INVS: variants seen among roughly 807,000 people sequenced by gnomAD.
The protein encoded by INVS is inversion of embryo turning homolog.
INVS carries 86 observed loss-of-function variants against 108.8 expected under a neutral mutation model. The observed-to-expected ratio is 0.79, with a 90% CI of 0.66 to 0.95. The LOEUF (loss-of-function observed/expected upper bound fraction) is 0.95, where lower values mean the gene tolerates loss of function less well. Ranked by LOEUF, INVS falls within the 40% of genes least tolerant of loss-of-function variation. The pLI, the probability that INVS is intolerant of heterozygous loss-of-function variation, is 0.00. For synonymous variants in INVS, 455 were observed against 473.5 expected (o/e 0.96, Z 0.51); for missense variants, 1,169 against 1,297.4 (o/e 0.90, Z 1.52).
chr9:100,141,305 A>AT (rs894340407), intron 3 of INVS, among the ~76,000 whole-genome samples: 2 of 152,124 alleles, frequency 1.3e-5, no homozygotes, highest in Non-Finnish European at 2.9e-5. Flanking sequence ...TGGTAAAAGT[A>AT]TTGTCTAGTC....
intron 14 of INVS, among the ~76,000 whole-genome samples, chr9:100,295,822 C>G (rs760186662): frequency 1.2e-4 from 18 of 152,212 alleles, no homozygotes; most frequent in Non-Finnish European, 2.1e-4. Flanking sequence ...TGGGCTTCCC[C>G]CCAAGTTCTG....
At chr9:100,227,991 CT>C (rs33912012) in intron 4 of INVS, among the ~76,000 whole-genome samples, 1,878 of 133,392 alleles carry the variant, frequency 0.014, 23 homozygotes, top group African/African-American at 0.048. Flanking sequence ...TTCTTTCTTT[CT>C]TTTTTTTTTT....
intron 12 of INVS, among the ~76,000 whole-genome samples, chr9:100,274,460 A>T (rs745509181): frequency 6.6e-6 from 1 of 152,266 alleles, no homozygotes; most frequent in Admixed American, 6.5e-5. Context: ...AGTGCATCAC[A>T]TTAGCAAATA....
chr9:100,294,888 T>C (rs1833742364), intron 14 of INVS, among the ~76,000 whole-genome samples: 2 of 152,196 alleles, frequency 1.3e-5, no homozygotes. Flanking sequence ...TCGTCACTGA[T>C]AACCCTGCAA....
At chr9:100,292,199 T>C (rs527349256) in intron 13 of INVS, 127 bp from the exon 14 acceptor site, 2 of 876,674 alleles carry the variant, frequency 2.3e-6, no homozygotes, top group Non-Finnish European at 3.8e-6. Context: ...ACCGTTTTTT[T>C]CCTAGTCTGT....
chr9:100,174,689 G>C (rs1489186145), intron 3 of INVS, among the ~76,000 whole-genome samples: 1 of 152,010 alleles, frequency 6.6e-6, no homozygotes, highest in African/African-American at 2.4e-5. Flanking sequence ...GAGGCAGGCA[G>C]ACCACCTGAG....
At chr9:100,190,818 A>G (rs1476415769) in intron 3 of INVS, among the ~76,000 whole-genome samples, 1 of 151,522 alleles carries the variant, frequency 6.6e-6, no homozygotes, top group East Asian at 1.9e-4. Flanking sequence ...TGTTGATTTT[A>G]GATACCCTGA....
In INVS at chr9:100,282,191, T is replaced by C. The variant is rs573674921; in HGVS notation, c.1785-2129T>C. On this transcript the variant is annotated intron_variant, in intron 12 of 16. Coordinates refer to ENST00000262457, the MANE Select transcript of INVS (RefSeq NM_014425.5). Reference sequence around the variant, plus strand: ...GCAGCACTTCAGCCACCCAGATGCTTCCACCTTCTTCTGAAAAGCAGCCTT... The same window carrying C: ...GCAGCACTTCAGCCACCCAGATGCTCCCACCTTCTTCTGAAAAGCAGCCTT... Among the ~76,000 whole-genome samples the C allele has an allele frequency of 4.8e-4, 73 of 152,234 alleles. No individual in the cohort carries two copies. The South Asian group carries it at 0.011, about 23-fold the overall frequency.
chr9:100,225,929 ATTT>A (rs2118402470), intron 3 of INVS, 130 bp from the exon 4 acceptor site: 1 of 651,160 alleles, frequency 1.5e-6, no homozygotes, highest in African/African-American at 1.8e-5. Context: ...AATTACAAGC[ATTT>A]TTCCTTATTA....
At chr9:100,272,213 C>G (rs1448984556) in intron 11 of INVS, among the ~76,000 whole-genome samples, 2 of 152,170 alleles carry the variant, frequency 1.3e-5, no homozygotes, top group African/African-American at 4.8e-5. Context: ...GAAAAGACTT[C>G]CAACATCATT....
At chr9:100,201,451 T>C (rs1369710916) in intron 3 of INVS, among the ~76,000 whole-genome samples, 1 of 152,222 alleles carries the variant, frequency 6.6e-6, no homozygotes, top group African/African-American at 2.4e-5. Flanking sequence ...TGCAGAAACA[T>C]GATGGACAAT....
intron 5 of INVS, among the ~76,000 whole-genome samples, chr9:100,230,936 G>A (rs1831492830): frequency 6.6e-6 from 1 of 152,136 alleles, no homozygotes; most frequent in Non-Finnish European, 1.5e-5. Flanking sequence ...CAGATACTTT[G>A]TTTCCAGTTT....
chr9:100,100,584 T>TAC (rs778317595), intron 1 of INVS, among the ~76,000 whole-genome samples: 31 of 96,266 alleles, frequency 3.2e-4, no homozygotes, highest in Non-Finnish European at 5.5e-4. Flanking sequence ...ATATATAATA[T>TAC]ATATAATATA....
At chr9:100,154,734 G>A (rs1456319538) in intron 3 of INVS, among the ~76,000 whole-genome samples, 1 of 151,882 alleles carries the variant, frequency 6.6e-6, no homozygotes, top group African/African-American at 2.4e-5. Context: ...GGAAAGAGGA[G>A]AAAAATATTT....
At chr9:100,246,510 GA>G (rs1832053131) in intron 7 of INVS, 105 bp from the exon 8 acceptor site, 1 of 762,902 alleles carries the variant, frequency 1.3e-6, no homozygotes, top group African/African-American at 1.8e-5. Flanking sequence ...AAAGCAAGGG[GA>G]AAATGCTTTG....
Position 100,300,806 on chromosome 9 carries a change from G to A in INVS, c.*132G>A, listed in dbSNP as rs1833944181. 2.9e-6 allele frequency: 2 copies of A among 695,256 alleles called. No individual in the cohort carries two copies. Among genetic ancestry groups the A allele is most frequent in the South Asian group, 1.6e-5 (1 of 63,822 alleles). The allele number at this position is 695,256 out of a possible 1,614,324, so 43.1% of individuals were successfully genotyped here. A position where few individuals can be genotyped will look rare whatever the true frequency, so the allele number is the denominator to read the frequency against. Reference sequence around the variant, plus strand: ...CCTGAAGGCTGATTCACCTAAAAATGTGTTAACTGAAAGAAAATGTCAGAA... The same window carrying A: ...CCTGAAGGCTGATTCACCTAAAAATATGTTAACTGAAAGAAAATGTCAGAA... On this transcript the variant is annotated 3_prime_UTR_variant, in exon 17 of 17. Transcript: ENST00000262457.
Position 100,292,315 on chromosome 9 carries a change from G to A in INVS, c.2069-11G>A, listed in dbSNP as rs1303274883. 2 of 1,611,798 alleles carry A rather than the reference G, an allele frequency of 1.2e-6. No homozygotes were observed. The highest frequency in any genetic ancestry group is 2.2e-5 in the East Asian group (1 of 44,868). On this transcript the variant is annotated splice_polypyrimidine_tract_variant and intron_variant, in intron 13 of 16. Transcript: ENST00000262457. ...AAGTTTTGGACAATATTTTTTCTTTGTTTCCTCAAGAAACAGCCAGAGAAC... is the reference window on the plus strand; with the variant it reads ...AAGTTTTGGACAATATTTTTTCTTTATTTCCTCAAGAAACAGCCAGAGAAC...
At chr9:100,169,266 G>A (rs907626316) in intron 3 of INVS, among the ~76,000 whole-genome samples, 2 of 152,174 alleles carry the variant, frequency 1.3e-5, no homozygotes, top group African/African-American at 4.8e-5. Context: ...TGACAGGATT[G>A]CATTTAAGTG....
chr9:100,240,965 A>G (rs1006168396), intron 6 of INVS, among the ~76,000 whole-genome samples: 1 of 152,106 alleles, frequency 6.6e-6, no homozygotes, highest in Non-Finnish European at 1.5e-5. Context: ...TTTTAAATTT[A>G]TCAAAAACTT....
Sources: allele counts gnomAD v4.1 joint callset (sites outside exome capture counted in the v4.1 genomes callset), GRCh38; gene constraint gnomAD v4.1.1; transcripts MANE v1.5; gene names NCBI Gene and HGNC (gene_info 2026-07-23, HGNC 2026-07-21).